The following AKAIN1 variants were observed in gnomAD, a reference collection of about 807,000 sequenced individuals.
The protein encoded by AKAIN1 is A-kinase anchor inhibitor 1.
Under a neutral mutation model 3.7 loss-of-function variants are expected in AKAIN1, and 3 were observed. The ratio of observed to expected loss-of-function variants is 0.82; its 90% confidence interval spans 0.37 to 2.12. The LOEUF (loss-of-function observed/expected upper bound fraction) is 2.12. Among genes scored for constraint, AKAIN1 ranks in the 30% most tolerant of loss-of-function variants. The probability of loss-of-function intolerance (pLI) is 0.06; values close to 1 mark genes in which losing one functional copy is unlikely to be tolerated. For synonymous variants in AKAIN1, 31 were observed against 30.8 expected (o/e 1.01, Z -0.02); for missense variants, 82 against 82.7 (o/e 0.99, Z 0.03).
chr18:5,165,467 A>G (rs1015421410), intron 1 of AKAIN1, among the ~76,000 whole-genome samples: 2 of 151,996 alleles, frequency 1.3e-5, no homozygotes, highest in South Asian at 2.1e-4. Context: ...CCATAAACAC[A>G]GTAAGAAAAT....
Position 5,145,658 on chromosome 18 carries a change from G to A in AKAIN1, c.114C>T (p.Ser38=), listed in dbSNP as rs2071044787. 1.9e-6 allele frequency: 3 copies of A among 1,551,518 alleles called. No individual in the cohort carries two copies. In the African/African-American group the frequency reaches 4.1e-5, roughly 21 times the overall value. Reference sequence around the variant, plus strand: ...TCTCTTCTCTGCGCTGACTCTCCTGGGAGACTTGCTGCACAGCTTGCAGGA... The same window carrying A: ...TCTCTTCTCTGCGCTGACTCTCCTGAGAGACTTGCTGCACAGCTTGCAGGA... The part of the protein sequence containing the change: ...NAILQAVQQV[S]QESQRREERI... The change falls in exon 2 of 2, where the codon TCC becomes TCT. Residue 38 remains serine, a synonymous_variant. Coordinates refer to ENST00000434239, the MANE Select transcript of AKAIN1 (RefSeq NM_001145194.2).
intron 1 of AKAIN1, among the ~76,000 whole-genome samples, chr18:5,179,709 A>C (rs1427221272): frequency 6.6e-6 from 1 of 152,034 alleles, no homozygotes; most frequent in African/African-American, 2.4e-5. Flanking sequence ...AAAGAAGATA[A>C]CTTCAAGTAG....
chr18:5,154,985 C>T (rs141690892), intron 1 of AKAIN1, among the ~76,000 whole-genome samples: 1 of 152,150 alleles, frequency 6.6e-6, no homozygotes, highest in African/African-American at 2.4e-5. Flanking sequence ...TAGTGTCTTG[C>T]CACACCACAG....
In AKAIN1 at chr18:5,143,367, C is replaced by G. The variant is rs555545419; in HGVS notation, c.*2195G>C. 6.6e-6 allele frequency among the ~76,000 whole-genome samples: 1 copy of G among 152,334 alleles called. No homozygotes were observed. The highest frequency in any genetic ancestry group is 2.4e-5 in the African/African-American group (1 of 41,586). On this transcript the variant is annotated 3_prime_UTR_variant, in exon 2 of 2. Coordinates refer to ENST00000434239, the MANE Select transcript of AKAIN1 (RefSeq NM_001145194.2). The stretch of plus-strand genomic sequence containing the variant: ...TGTCCTCCCAACAACTTAGTCATAT[C>G]TCTGTTCCTTGCTGTCGATTTTCCA...
At chr18:5,159,213 A>G (rs2071125538) in intron 1 of AKAIN1, 2 of 152,086 alleles carry the variant, frequency 1.3e-5, no homozygotes, top group African/African-American at 4.8e-5. Flanking sequence ...GAAAAAAAGT[A>G]GCTGAAGAAA....
At position 5,143,723 on chromosome 18, in the gene AKAIN1, A is replaced by G. The variant is rs1402504028; in HGVS notation, c.*1839T>C. On this transcript the variant is annotated 3_prime_UTR_variant, in exon 2 of 2. Transcript: ENST00000434239. ...TGTTTTATTTATAAATAACATTTAG[A>G]CACAGAGGTCAATAAGATGTTCCAA... 6.6e-6 allele frequency among the ~76,000 whole-genome samples: 1 copy of G among 152,238 alleles called. No homozygotes were observed. The highest frequency in any genetic ancestry group is 1.5e-5 in the Non-Finnish European group (1 of 68,032).
chr18:5,197,650 T>C, upstream of AKAIN1: 1 of 410,592 alleles, frequency 2.4e-6, no homozygotes, highest in Admixed American at 4.4e-5. This position sits in a 1 kb window ranked among gnomAD's most constrained non-coding sequence, Gnocchi z 6.9. Context: ...CCCAGTCCTC[T>C]GCTAACGTCA....
chr18:5,187,491 G>A (rs2071294058), intron 1 of AKAIN1, among the ~76,000 whole-genome samples: 4 of 152,110 alleles, frequency 2.6e-5, no homozygotes, highest in African/African-American at 7.2e-5. Context: ...ATCCCATGGT[G>A]GGAAGGTGGA....
chr18:5,191,645 T>C (rs572169876), intron 1 of AKAIN1, among the ~76,000 whole-genome samples: 1 of 152,128 alleles, frequency 6.6e-6, no homozygotes, highest in South Asian at 2.1e-4. Context: ...GACTCTAAAA[T>C]TTATATGGAA....
chr18:5,170,143 A>G (rs975797937), intron 1 of AKAIN1, among the ~76,000 whole-genome samples: 1 of 152,164 alleles, frequency 6.6e-6, no homozygotes, highest in Non-Finnish European at 1.5e-5. Flanking sequence ...GCAGAAATTC[A>G]TTTGATCCTA....
At chr18:5,155,502 G>T (rs573214429) in intron 1 of AKAIN1, among the ~76,000 whole-genome samples, 76 of 152,214 alleles carry the variant, frequency 5.0e-4, no homozygotes, top group South Asian at 2.7e-3. Context: ...TCCGTTTCTG[G>T]CCTCTCATCC....
chr18:5,195,952 G>T (rs1209590793), intron 1 of AKAIN1, among the ~76,000 whole-genome samples: 3 of 152,092 alleles, frequency 2.0e-5, no homozygotes, highest in Non-Finnish European at 4.4e-5. Context: ...TGAGGGGGAG[G>T]GGGAGGGGAC....
At chr18:5,189,378 A>G (rs1290470043) in intron 1 of AKAIN1, among the ~76,000 whole-genome samples, 1 of 152,124 alleles carries the variant, frequency 6.6e-6, no homozygotes, top group Non-Finnish European at 1.5e-5. Flanking sequence ...TCTCTAACAA[A>G]CACACTTTTT....
At chr18:5,147,990 G>GTA (rs576658389) in intron 1 of AKAIN1, among the ~76,000 whole-genome samples, 28 of 152,322 alleles carry the variant, frequency 1.8e-4, no homozygotes, top group South Asian at 1.0e-3. Flanking sequence ...CTTGGGTAAG[G>GTA]TACTTCACCT....
intron 1 of AKAIN1, among the ~76,000 whole-genome samples, chr18:5,196,252 C>G (rs1199571473): frequency 6.6e-6 from 1 of 152,236 alleles, no homozygotes; most frequent in Non-Finnish European, 1.5e-5. Flanking sequence ...CAGCGTCGGA[C>G]GTTCACAACG....
At position 5,175,978 on chromosome 18, in the gene AKAIN1, AC is replaced by A. The variant is rs571312635; in HGVS notation, c.16+21059del. Reference sequence around the variant, plus strand: ...GCACCACATTTCCATTTTGCAATGGACCCTGCAAATTATGTAGTTGGCCCTG... The same window carrying A: ...GCACCACATTTCCATTTTGCAATGGACCTGCAAATTATGTAGTTGGCCCTG... On this transcript the variant is annotated intron_variant, in intron 1 of 1. Transcript: ENST00000434239. 3.9e-5 allele frequency among the ~76,000 whole-genome samples: 6 copies of A among 152,124 alleles called. No homozygotes were observed. The South Asian group carries it at 1.2e-3, about 32-fold the overall frequency.
At chr18:5,188,597 T>A (rs2071301065) in intron 1 of AKAIN1, among the ~76,000 whole-genome samples, 1 of 152,092 alleles carries the variant, frequency 6.6e-6, no homozygotes, top group Admixed American at 6.6e-5. Context: ...CAGGCCTTGC[T>A]GCAAACCCTT....
At chr18:5,163,411 T>C (rs1177735686) in intron 1 of AKAIN1, among the ~76,000 whole-genome samples, 2 of 152,054 alleles carry the variant, frequency 1.3e-5, no homozygotes, top group Non-Finnish European at 2.9e-5. Context: ...TCTTTAATTA[T>C]ATTGAATGTA....
At chr18:5,171,938 C>T (rs1233876905) in intron 1 of AKAIN1, among the ~76,000 whole-genome samples, 4 of 152,090 alleles carry the variant, frequency 2.6e-5, no homozygotes, top group Non-Finnish European at 4.4e-5. Flanking sequence ...TGGAAGCAAC[C>T]TAAGTGTCCA....
Sources: gnomAD v4.1 joint callset for allele counts (sites outside exome capture counted in the v4.1 genomes callset) on GRCh38, gnomAD v4.1.1 for gene constraint, Gnocchi (gnomAD v3.1) non-coding constraint, MANE v1.5 for transcripts, NCBI Gene and HGNC (gene_info 2026-07-23, HGNC 2026-07-21) for gene names.